LHX1: variants seen among roughly 807,000 people sequenced by gnomAD.
LHX1 encodes the protein LIM homeobox 1.
LHX1 carries 9 observed loss-of-function variants against 34.1 expected under a neutral mutation model. That is an observed-to-expected ratio of 0.26 (90% CI 0.16 to 0.46). LHX1 has a LOEUF of 0.46. LHX1 is among the 20% of genes least tolerant of loss of function. LHX1 has a pLI of 1.00. For missense variants in LHX1, 446 were observed against 559.1 expected, an observed-to-expected ratio of 0.80 and a Z score of 2.04; for synonymous variants, 254 against 241.5, an observed-to-expected ratio of 1.05 and a Z score of -0.48.
intron 4 of LHX1, 149 bp from the exon 5 acceptor site, chr17:36,942,603 C>A: frequency 9.9e-7 from 1 of 1,010,142 alleles, no homozygotes; most frequent in Non-Finnish European, 1.4e-6. Flanking sequence ...AGCCTCCTCC[C>A]TGCACCCAGG....
intron 4 of LHX1, 43 bp from the exon 5 acceptor site, chr17:36,942,709 C>T: frequency 2.8e-6 from 4 of 1,447,044 alleles, no homozygotes; most frequent in Non-Finnish European, 3.6e-6. Context: ...CGCCGGCCCC[C>T]GGCCGGGCCC....
In LHX1 at chr17:36,944,572, A is replaced by C. The variant is rs377105610; in HGVS notation, c.*1441A>C. 1.1e-4 allele frequency: 17 copies of C among 152,356 alleles called. No individual in the cohort carries two copies. The highest frequency in any genetic ancestry group is 3.4e-4 in the African/African-American group (14 of 41,582). 9.4% of individuals were successfully genotyped at this position (152,356 alleles called of 1,614,324 possible). A position where few individuals can be genotyped will look rare whatever the true frequency, so the allele number is the denominator to read the frequency against. Reference sequence around the variant, plus strand: ...TGTATGAAAGAAAACATGTTGAATAAATTTGTGAGTTTTTAATAAAAATAG... The same window carrying C: ...TGTATGAAAGAAAACATGTTGAATACATTTGTGAGTTTTTAATAAAAATAG... On this transcript the variant is annotated 3_prime_UTR_variant, in exon 5 of 5. Coordinates refer to ENST00000614239, the MANE Select transcript of LHX1 (RefSeq NM_005568.5).
At position 36,943,023 on chromosome 17, in the gene LHX1, G is replaced by T. The variant is rs1037485513; in HGVS notation, c.1113G>T (p.Glu371Asp). 6.2e-7 allele frequency: 1 copy of T among 1,609,716 alleles called. No individual in the cohort carries two copies. Among genetic ancestry groups the T allele is most frequent in the African/African-American group, 1.3e-5 (1 of 74,818 alleles). Residue 371 changes from glutamate to aspartate, a missense_variant, in exon 5 of 5, where the codon GAG (glutamate) becomes GAT (aspartate). Around this residue, in one of 3 missense-constraint regions of LHX1, gnomAD observed 235 missense variants for 224.4 expected, o/e 1.05. Coordinates refer to ENST00000614239, the MANE Select transcript of LHX1 (RefSeq NM_005568.5). ...LPGPLHSMSA[E>D]VFGPSPPFSS... ...GGCCTCTGCACTCCATGTCGGCCGA[G>T]GTCTTCGGACCCAGCCCGCCCTTCT...
intron 1 of LHX1, among the ~76,000 whole-genome samples, chr17:36,939,266 C>A (rs1055118847): frequency 6.6e-6 from 1 of 152,204 alleles, no homozygotes. Flanking sequence ...CAGAGAAGAA[C>A]GGGCACAAAT....
At chr17:36,942,704 G>T in intron 4 of LHX1, 48 bp from the exon 5 acceptor site, 2 of 1,440,604 alleles carry the variant, frequency 1.4e-6, no homozygotes, top group Non-Finnish European at 1.8e-6. Flanking sequence ...GGTCCCGCCG[G>T]CCCCCGGCCG....
In LHX1 at chr17:36,942,393, G is replaced by A. The variant is rs748403266; in HGVS notation, c.841+28G>A. The A allele has an allele frequency of 9.0e-6, 14 of 1,556,622 alleles. No homozygotes were observed. In the South Asian group the frequency reaches 1.4e-4, roughly 16 times the overall value. On this transcript the variant is annotated intron_variant, in intron 4 of 4. Coordinates refer to ENST00000614239, the MANE Select transcript of LHX1 (RefSeq NM_005568.5). Reference sequence around the variant, plus strand: ...GGGTGCGCGCCGAATGGCGGGGCGCGGCCAGGTCGGGGCGGGCTTCGTTGG... The same window carrying A: ...GGGTGCGCGCCGAATGGCGGGGCGCAGCCAGGTCGGGGCGGGCTTCGTTGG...
At position 36,938,013 on chromosome 17, in the gene LHX1, C is replaced by A; in HGVS notation, c.-185C>A. The A allele has an allele frequency of 1.6e-6, 1 of 637,520 alleles. No homozygotes were observed. The highest frequency in any genetic ancestry group is 1.9e-5 in the South Asian group (1 of 52,832). The allele number at this position is 637,520 out of a possible 1,614,324, so 39.5% of individuals were successfully genotyped here. On this transcript the variant is annotated 5_prime_UTR_variant, in exon 1 of 5. Coordinates refer to ENST00000614239, the MANE Select transcript of LHX1 (RefSeq NM_005568.5). ...CTTCACTGAGACGCCCCCCCAGGCC[C>A]CGATCAGCCTCGTTTCCTCCACCCT...
chr17:36,943,180 T>C lies in LHX1; in HGVS notation c.*49T>C. On this transcript the variant is annotated 3_prime_UTR_variant, in exon 5 of 5. Transcript: ENST00000614239. ...GTTCGTGGTTGTACAGAAATGAACC[T>C]TTATTTAAGAAAAATAGAAAAAAAA... is the stretch of plus-strand genomic sequence containing the variant. 6.5e-7 allele frequency: 1 copy of C among 1,546,258 alleles called. No homozygotes were observed. The highest frequency in any genetic ancestry group is 8.7e-7 in the Non-Finnish European group (1 of 1,151,422).
Position 36,942,375 on chromosome 17 carries a change from C to A in LHX1, c.841+10C>A, listed in dbSNP as rs1203480714. 1 of 1,573,690 alleles carries A rather than the reference C, an allele frequency of 6.4e-7. No individual in the cohort carries two copies. Among genetic ancestry groups the A allele is most frequent in the Non-Finnish European group, 8.6e-7 (1 of 1,160,688 alleles). On this transcript the variant is annotated intron_variant, in intron 4 of 4. Coordinates refer to ENST00000614239, the MANE Select transcript of LHX1 (RefSeq NM_005568.5). ...TTCTCCTTCTACGGAGGTGGGTGCG[C>A]GCCGAATGGCGGGGCGCGGCCAGGT... is the stretch of plus-strand genomic sequence containing the variant.
rs1433185562 is a variant in LHX1 at position 36,943,833 on chromosome 17, G to C, written c.*702G>C. ...CACATACACACATACACACGTACAC[G>C]GACACACTCGGTAAGATGGTCTCCA... On this transcript the variant is annotated 3_prime_UTR_variant, in exon 5 of 5. Transcript: ENST00000614239. 1.3e-5 allele frequency: 2 copies of C among 150,894 alleles called. No homozygotes were observed. The highest frequency in any genetic ancestry group is 2.4e-5 in the African/African-American group (1 of 40,990). 9.3% of individuals were successfully genotyped at this position (150,894 alleles called of 1,614,324 possible).
At chr17:36,942,131 C>G in intron 3 of LHX1, 69 bp from the exon 4 acceptor site, 1 of 1,499,002 alleles carries the variant, frequency 6.7e-7, no homozygotes, top group Non-Finnish European at 9.0e-7. Context: ...GGGGTGCTGG[C>G]TAGGCCCGGA....
At chr17:36,940,096 C>T (rs2070754452) in intron 1 of LHX1, 194 bp from the exon 2 acceptor site, 2 of 615,672 alleles carry the variant, frequency 3.2e-6, no homozygotes, top group Admixed American at 2.7e-5. Flanking sequence ...CTGCTGCCTC[C>T]TCACCTGCTT....
At chr17:36,942,430 A>C in intron 4 of LHX1, 65 bp downstream of exon 4, 13 of 1,495,470 alleles carry the variant, frequency 8.7e-6, no homozygotes, top group Non-Finnish European at 1.2e-5. Context: ...AGCGGGTGGC[A>C]GCGCGGGGGG....
At chr17:36,939,248 CAA>C (rs1175207086) in intron 1 of LHX1, among the ~76,000 whole-genome samples, 1 of 152,250 alleles carries the variant, frequency 6.6e-6, no homozygotes, top group Admixed American at 6.5e-5. Context: ...CACAAACACA[CAA>C]GTCAACAGAG....
In LHX1 at chr17:36,938,171, G is replaced by A. The variant is rs376080106; in HGVS notation, c.-27G>A. The A allele has an allele frequency of 1.2e-6, 2 of 1,612,090 alleles. No individual in the cohort carries two copies. The highest frequency in any genetic ancestry group is 3.3e-5 in the Admixed American group (2 of 59,996). ...CTCTACTTTGCCCCTCTCTCTCTCT[G>A]GGCCTCATCAGACCAAACCAAAGAC... On this transcript the variant is annotated 5_prime_UTR_variant, in exon 1 of 5. Transcript: ENST00000614239.
rs766008837 is a variant in LHX1 at position 36,938,205 on chromosome 17, A to G, written c.8A>G (p.His3Arg). The change falls in exon 1 of 5, where the codon CAC becomes CGC. Residue 3 changes from histidine to arginine, a missense_variant. By Grantham distance (29) the His-to-Arg change is conservative (BLOSUM62 0). This residue lies in a region of LHX1 where 168 missense variants were observed against 226.6 expected (regional missense o/e 0.74). Transcript: ENST00000614239. MV[H>R]CAGCKRPILD... Reference sequence around the variant, plus strand: ...CAGACCAAACCAAAGACCATGGTTCACTGTGCCGGCTGCAAAAGGCCCATC... The same window carrying G: ...CAGACCAAACCAAAGACCATGGTTCGCTGTGCCGGCTGCAAAAGGCCCATC... 60 of 1,613,642 alleles carry G rather than the reference A, an allele frequency of 3.7e-5. No individual in the cohort carries two copies. The highest frequency in any genetic ancestry group is 4.2e-5 in the Non-Finnish European group (50 of 1,180,006).
chr17:36,938,469 C>G (rs1468360438), intron 1 of LHX1, 102 bp downstream of exon 1: 1 of 1,256,836 alleles, frequency 8.0e-7, no homozygotes, highest in East Asian at 2.4e-5. Flanking sequence ...CAGTTAGGAA[C>G]TGCTTCTAGA....
chr17:36,937,138 G>A (rs1207157949), upstream of LHX1: 1 of 411,502 alleles, frequency 2.4e-6, no homozygotes, highest in Non-Finnish European at 4.8e-6. Context: ...AAAGTCGAGC[G>A]ACTGTGGGGT....
chr17:36,943,981 T>C lies in LHX1; in HGVS notation c.*850T>C, dbSNP rs1165075533. ...AACTAAAAACAGTCAACTGTTTACG[T>C]ATAATGTTAAATTCAGGAGTTCAGT... is the stretch of plus-strand genomic sequence containing the variant. On this transcript the variant is annotated 3_prime_UTR_variant, in exon 5 of 5. Transcript: ENST00000614239. 6.6e-6 allele frequency: 1 copy of C among 151,342 alleles called. No homozygotes were observed. The highest frequency in any genetic ancestry group is 3.2e-3 in the Middle Eastern group (1 of 308). The allele number at this position is 151,342 out of a possible 1,614,324, so 9.4% of individuals were successfully genotyped here. A position where few individuals can be genotyped will look rare whatever the true frequency, so the allele number is the denominator to read the frequency against.
Sources: allele counts gnomAD v4.1 joint callset (sites outside exome capture counted in the v4.1 genomes callset), GRCh38; gene constraint gnomAD v4.1.1; regional missense constraint gnomAD v4.1.1; transcripts MANE v1.5; gene names NCBI Gene and HGNC (gene_info 2026-07-23, HGNC 2026-07-21).